The following ITGAE variants were observed in gnomAD, a reference collection of about 807,000 sequenced individuals.
ITGAE encodes integrin alpha-E.
Under a neutral mutation model 136.5 loss-of-function variants are expected in ITGAE, and 99 were observed. The ratio of observed to expected loss-of-function variants is 0.73; its 90% CI spans 0.62 to 0.86. The LOEUF (loss-of-function observed/expected upper bound fraction) is 0.86, where lower values mean the gene tolerates loss of function less well. Ranked by LOEUF, ITGAE falls within the 40% of genes least tolerant of loss-of-function variation. The pLI is 0.00. For synonymous variants in ITGAE, 613 were observed against 591.8 expected (o/e 1.04, Z -0.52); for missense variants, 1,447 against 1,515.3 (o/e 0.95, Z 0.75).
At chr17:3,719,235 C>CAAAAAAAAAAAAA (rs746282209) in intron 29 of ITGAE, among the ~76,000 whole-genome samples, 1 of 66,224 alleles carries the variant, frequency 1.5e-5, no homozygotes, top group African/African-American at 5.8e-5. Context: ...GATTCTTCCT[C>CAAAAAAAAAAAAA]AAAAAAAAAA....
intron 1 of ITGAE, among the ~76,000 whole-genome samples, chr17:3,796,120 CCT>C (rs1491099388): frequency 4.0e-5 from 5 of 125,856 alleles, no homozygotes; most frequent in South Asian, 2.7e-4. Flanking sequence ...TGTGTGCATC[CCT>C]GTGTGTGCAT....
intron 20 of ITGAE, among the ~76,000 whole-genome samples, chr17:3,736,593 G>C (rs2051463574): frequency 6.6e-6 from 1 of 152,176 alleles, no homozygotes; most frequent in Admixed American, 6.6e-5. Flanking sequence ...TGTGGTTTAA[G>C]ACATGGGTCC....
At chr17:3,777,152 A>G (rs58257474) in intron 2 of ITGAE, among the ~76,000 whole-genome samples, 12,949 of 151,892 alleles carry the variant, frequency 0.085, 820 homozygotes, top group African/African-American at 0.18. Context: ...TAGTAGAGAC[A>G]GGGTTTCACC....
At chr17:3,785,334 T>A (rs2052758104) in intron 1 of ITGAE, among the ~76,000 whole-genome samples, 1 of 151,840 alleles carries the variant, frequency 6.6e-6, no homozygotes, top group Admixed American at 6.6e-5. Flanking sequence ...GCAGGCATGC[T>A]GACAGCCACC....
chr17:3,782,864 C>T (rs1490504532), intron 1 of ITGAE, among the ~76,000 whole-genome samples: 2 of 152,144 alleles, frequency 1.3e-5, no homozygotes, highest in African/African-American at 2.4e-5. Flanking sequence ...CATTTGACAT[C>T]GCACTCTCAC....
chr17:3,749,347 C>T (rs1451083542), intron 16 of ITGAE, among the ~76,000 whole-genome samples: 2 of 152,052 alleles, frequency 1.3e-5, no homozygotes, highest in Non-Finnish European at 2.9e-5. Flanking sequence ...CTCCGCCTCC[C>T]GGGTTCACCA....
At chr17:3,800,786 A>G (rs1336140019) in intron 1 of ITGAE, among the ~76,000 whole-genome samples, 2 of 152,170 alleles carry the variant, frequency 1.3e-5, no homozygotes, top group African/African-American at 4.8e-5. Context: ...CTACAGAGTC[A>G]AGGACCTGCC....
intron 26 of ITGAE, among the ~76,000 whole-genome samples, chr17:3,726,911 T>C (rs1274798434): frequency 1.3e-5 from 2 of 151,784 alleles, no homozygotes; most frequent in African/African-American, 2.4e-5. Flanking sequence ...ATTTTTTTAG[T>C]AGAGATGGGG....
chr17:3,732,327 G>C (rs2051363562), intron 22 of ITGAE, 41 bp downstream of exon 22: 1 of 1,447,336 alleles, frequency 6.9e-7, no homozygotes, highest in African/African-American at 1.4e-5. Context: ...GACGCCAACT[G>C]CAGGGTGGTG....
chr17:3,726,722 T>TAAACCCTC (rs2051222537), intron 26 of ITGAE: 1 of 151,966 alleles, frequency 6.6e-6, no homozygotes, highest in South Asian at 2.0e-4. Context: ...TAAACCCTCT[T>TAAACCCTC]TTTTTTTTTT....
chr17:3,773,315 ACCC>A (rs139792138), intron 2 of ITGAE, among the ~76,000 whole-genome samples: 19 of 151,896 alleles, frequency 1.3e-4, no homozygotes, highest in African/African-American at 4.6e-4. Flanking sequence ...CATTGGTGAA[ACCC>A]CGTCTCTACT....
chr17:3,723,465 T>C (rs2051103427), intron 27 of ITGAE, 82 bp from the exon 28 acceptor site: 4 of 1,115,352 alleles, frequency 3.6e-6, no homozygotes, highest in South Asian at 2.5e-5. Context: ...ACACAGAGCA[T>C]CGTAAGGTCC....
At chr17:3,724,595 C>G in intron 26 of ITGAE, 1 of 1,614,176 alleles carries the variant, frequency 6.2e-7, no homozygotes, top group East Asian at 2.2e-5. Flanking sequence ...TCCCCTGCTC[C>G]CAGGAGGAAG....
At position 3,798,399 on chromosome 17, in the gene ITGAE, C is replaced by T. The variant is rs2053173383; in HGVS notation, c.34+2712G>A. 6.6e-6 allele frequency among the ~76,000 whole-genome samples: 1 copy of T among 152,146 alleles called. No individual in the cohort carries two copies. The highest frequency in any genetic ancestry group is 6.5e-5 in the Admixed American group (1 of 15,284). The stretch of plus-strand genomic sequence containing the variant: ...CAACACCAGAGGAGACAATCTCCTG[C>T]TCCCACTCACACTTCGCCTCCATCT... On this transcript the variant is annotated intron_variant, in intron 1 of 30. Coordinates refer to ENST00000263087, the MANE Select transcript of ITGAE (RefSeq NM_002208.5). This position sits in a 1 kb window ranked among gnomAD's most constrained non-coding sequence, Gnocchi z 4.3.
intron 29 of ITGAE, chr17:3,718,438 G>A (rs1005811013): frequency 6.6e-6 from 1 of 152,264 alleles, no homozygotes; most frequent in Non-Finnish European, 1.5e-5. Context: ...CAGAGTACAA[G>A]GACCAAAGAA....
chr17:3,796,625 A>G (rs1185107834), intron 1 of ITGAE, among the ~76,000 whole-genome samples: 1 of 150,654 alleles, frequency 6.6e-6, no homozygotes, highest in African/African-American at 2.4e-5. Context: ...TGTCTGACTT[A>G]CAGACATAGC....
chr17:3,748,573 C>T (rs938498416), intron 16 of ITGAE, among the ~76,000 whole-genome samples: 5 of 152,064 alleles, frequency 3.3e-5, no homozygotes, highest in African/African-American at 1.2e-4. Context: ...GGTGACAGAG[C>T]AAGACTCCAT....
intron 20 of ITGAE, among the ~76,000 whole-genome samples, chr17:3,736,700 G>A (rs1159266632): frequency 6.6e-6 from 1 of 152,200 alleles, no homozygotes; most frequent in Admixed American, 6.5e-5. Flanking sequence ...ACTCTCAGTA[G>A]CTGAGATTGA....
intron 1 of ITGAE, among the ~76,000 whole-genome samples, chr17:3,789,074 C>T (rs977821462): frequency 2.6e-5 from 4 of 151,512 alleles, no homozygotes; most frequent in East Asian, 1.9e-4. Context: ...AGTGAGACTC[C>T]GTTTCTACAA....
Sources: allele counts gnomAD v4.1 joint callset (sites outside exome capture counted in the v4.1 genomes callset), GRCh38; gene constraint gnomAD v4.1.1; non-coding constraint Gnocchi (gnomAD v3.1); transcripts MANE v1.5; gene names NCBI Gene and HGNC (gene_info 2026-07-23, HGNC 2026-07-21).